TUBD1: variants seen among roughly 807,000 people sequenced by gnomAD.
TUBD1 encodes the protein tubulin delta 1.
In TUBD1, 38 loss-of-function variants were observed where a neutral mutation model predicts 51.2. That is an observed-to-expected ratio of 0.74 (90% CI 0.57 to 0.97). The LOEUF (loss-of-function observed/expected upper bound fraction) is 0.97. TUBD1 is among the 50% of genes least tolerant of loss of function. The probability of loss-of-function intolerance (pLI) is 0.00; values close to 1 mark genes in which losing one functional copy is unlikely to be tolerated. For missense variants in TUBD1, 489 were observed against 538.4 expected (o/e 0.91, Z 0.91); for synonymous variants, 169 against 178.2 (o/e 0.95, Z 0.41).
At chr17:59,885,834 T>A (rs1456743577) in intron 3 of TUBD1, among the ~76,000 whole-genome samples, 1 of 152,170 alleles carries the variant, frequency 6.6e-6, no homozygotes, top group African/African-American at 2.4e-5. Context: ...GTAAGTTAGT[T>A]TGCAGCATGA....
At chr17:59,860,705 G>A (rs1443501766) in intron 8 of TUBD1, among the ~76,000 whole-genome samples, 1 of 151,746 alleles carries the variant, frequency 6.6e-6, no homozygotes, top group African/African-American at 2.4e-5. Context: ...GACTACCTCA[G>A]CCTCCCGAGT....
intron 6 of TUBD1, among the ~76,000 whole-genome samples, chr17:59,874,174 G>A: frequency 8.0e-6 from 1 of 124,660 alleles, no homozygotes; most frequent in African/African-American, 3.0e-5. Flanking sequence ...GGGCGACAGA[G>A]CAAGACTCAG....
At chr17:59,887,377 A>C (rs576438049) in intron 2 of TUBD1, among the ~76,000 whole-genome samples, 1 of 152,214 alleles carries the variant, frequency 6.6e-6, no homozygotes, top group East Asian at 1.9e-4. Context: ...CTCAAAAAAA[A>C]AAAAAGACTT....
chr17:59,862,609 G>A (rs1385597037), intron 8 of TUBD1, among the ~76,000 whole-genome samples: 10 of 151,096 alleles, frequency 6.6e-5, no homozygotes, highest in Admixed American at 4.6e-4. Context: ...GCATAGTCTC[G>A]GCTCTCTGCA....
intron 2 of TUBD1, among the ~76,000 whole-genome samples, chr17:59,889,464 C>T (rs1445327989): frequency 1.3e-5 from 2 of 150,584 alleles, no homozygotes; most frequent in Admixed American, 6.6e-5. Flanking sequence ...GTCAGGAGTT[C>T]GAGACCAGCC....
chr17:59,871,273 G>T (rs1290015121), intron 6 of TUBD1, among the ~76,000 whole-genome samples: 6 of 152,024 alleles, frequency 3.9e-5, no homozygotes, highest in Non-Finnish European at 8.8e-5. Flanking sequence ...TCAGCTCACT[G>T]CAACTTCCCT....
chr17:59,886,027 TATTA>T (rs2040704877), intron 3 of TUBD1, 52 bp downstream of exon 3: 8 of 1,576,524 alleles, frequency 5.1e-6, no homozygotes, highest in East Asian at 2.2e-5. Context: ...CTTTGCTATC[TATTA>T]ATTGACTGTG....
intron 6 of TUBD1, 61 bp from the exon 7 acceptor site, chr17:59,866,810 G>C: frequency 7.2e-7 from 1 of 1,396,436 alleles, no homozygotes; most frequent in Middle Eastern, 1.8e-4. Flanking sequence ...TTGAGATGGA[G>C]TCTCACTCTG....
chr17:59,889,106 C>T lies in TUBD1; in HGVS notation c.172+1725G>A, dbSNP rs570211793. 2.0e-4 allele frequency among the ~76,000 whole-genome samples: 30 copies of T among 150,106 alleles called. 1 individual carries two copies. In the South Asian group the frequency reaches 3.6e-3, roughly 18 times the overall value. Reference sequence around the variant, plus strand: ...TCTCGGCTCACTGCAACCCCCCTCCCGGGTTCAAGTGATTCTCCTGCCTCA... The same window carrying T: ...TCTCGGCTCACTGCAACCCCCCTCCTGGGTTCAAGTGATTCTCCTGCCTCA... On this transcript the variant is annotated intron_variant, in intron 2 of 8. Coordinates refer to ENST00000325752, the MANE Select transcript of TUBD1 (RefSeq NM_016261.4).
intron 6 of TUBD1, among the ~76,000 whole-genome samples, chr17:59,872,613 G>C (rs1598525205): frequency 6.6e-6 from 1 of 151,970 alleles, no homozygotes; most frequent in Non-Finnish European, 1.5e-5. Context: ...AAGTATGTTA[G>C]AAGAATGAAG....
chr17:59,888,914 G>A (rs1156808732), intron 2 of TUBD1, among the ~76,000 whole-genome samples: 3 of 150,436 alleles, frequency 2.0e-5, no homozygotes, highest in Non-Finnish European at 4.4e-5. Context: ...GTTTCACCAC[G>A]TTGGCCAGGC....
At chr17:59,879,146 T>C (rs2040364972) in intron 4 of TUBD1, among the ~76,000 whole-genome samples, 1 of 151,604 alleles carries the variant, frequency 6.6e-6, no homozygotes, top group Non-Finnish European at 1.5e-5. Flanking sequence ...CGCATGCCTG[T>C]AGTCCCAGCT....
chr17:59,878,464 T>C, intron 4 of TUBD1, 130 bp from the exon 5 acceptor site: 1 of 633,900 alleles, frequency 1.6e-6, no homozygotes, highest in Non-Finnish European at 2.7e-6. Flanking sequence ...CTTGGACAAG[T>C]TTTTTAATCT....
At chr17:59,870,034 T>C (rs2039905412) in intron 6 of TUBD1, among the ~76,000 whole-genome samples, 1 of 151,948 alleles carries the variant, frequency 6.6e-6, no homozygotes, top group Admixed American at 6.6e-5. Context: ...TTGCCCACAA[T>C]TGAGGTCCTG....
intron 8 of TUBD1, 117 bp from the exon 9 acceptor site, chr17:59,860,541 C>A: frequency 1.5e-6 from 1 of 649,256 alleles, no homozygotes; most frequent in Non-Finnish European, 2.6e-6. Context: ...ATCACACAAT[C>A]GTTCAGAAGT....
At chr17:59,878,030 G>A in intron 5 of TUBD1, 73 bp downstream of exon 5, 1 of 1,201,796 alleles carries the variant, frequency 8.3e-7, no homozygotes, top group Non-Finnish European at 1.2e-6. Flanking sequence ...CAGAGGAGGA[G>A]ACAGAAAGAA....
intron 3 of TUBD1, among the ~76,000 whole-genome samples, chr17:59,883,422 C>T (rs1048375716): frequency 2.0e-5 from 3 of 151,976 alleles, no homozygotes; most frequent in Non-Finnish European, 1.5e-5. Flanking sequence ...GCCATCACCA[C>T]GCCCAGCTAA....
At chr17:59,868,400 A>G (rs1476624523) in intron 6 of TUBD1, among the ~76,000 whole-genome samples, 2 of 151,380 alleles carry the variant, frequency 1.3e-5, no homozygotes, top group African/African-American at 4.9e-5. Context: ...AAATAGGGTA[A>G]ATCTTTACGT....
intron 4 of TUBD1, chr17:59,878,578 G>A (rs1045093306): frequency 1.3e-4 from 48 of 362,248 alleles, no homozygotes; most frequent in African/African-American, 4.0e-4. Context: ...TCGGCCTCCC[G>A]GTTCGAGATT....
Sources: gnomAD v4.1 joint callset for allele counts (sites outside exome capture counted in the v4.1 genomes callset) on GRCh38, gnomAD v4.1.1 for gene constraint, MANE v1.5 for transcripts, NCBI Gene and HGNC (gene_info 2026-07-23, HGNC 2026-07-21) for gene names.